Variants in PPM1N observed in about 807,000 individuals in gnomAD.
PPM1N encodes probable protein phosphatase 1N.
A neutral mutation model predicts 32.6 loss-of-function variants in PPM1N; 35 were observed. That is an observed-to-expected ratio of 1.07 (90% confidence interval 0.82 to 1.43). PPM1N has a LOEUF of 1.43. Ranked by LOEUF, PPM1N falls within the 40% of genes most tolerant of loss-of-function variation. PPM1N has a pLI of 0.00. For missense variants in PPM1N, 648 were observed against 606.6 expected (o/e 1.07, Z -0.72); for synonymous variants, 275 against 270.5 (o/e 1.02, Z -0.16).
chr19:45,500,131 TTC>T (rs1427783503), intron 2 of PPM1N, 65 bp downstream of exon 2: 1 of 1,475,996 alleles, frequency 6.8e-7, no homozygotes, highest in Non-Finnish European at 9.0e-7. Context: ...CCATAACTTT[TTC>T]TTTTTTTCTT....
In PPM1N at chr19:45,502,322, A is replaced by AC. The variant is rs1487289167; in HGVS notation, c.*237_*238insC. On this transcript the variant is annotated 3_prime_UTR_variant, in exon 5 of 5. Transcript: ENST00000451287. ...AAGCCCAAATCGAAAAAAAAAAAAA[A>AC]AAAAAAAAAAAACAAAAAAACCCAA... The AC allele has an allele frequency of 1.5e-4, 79 of 536,242 alleles. No individual in the cohort carries two copies. The highest frequency in any genetic ancestry group is 2.3e-4 in the Non-Finnish European group (70 of 310,418). The allele number at this position is 536,242 out of a possible 1,614,324, so 33.2% of individuals were successfully genotyped here.
In PPM1N at chr19:45,502,063, C is replaced by T. The variant is rs935643223; in HGVS notation, c.1271C>T (p.Ser424Leu). ...AAGTCCAACCCCACGCATTTGGGCT[C>T]AGCCTTGGACATGGAGGCCTGACAG... ...AGKSNPTHLG[S>L]ALDMEA The change falls in exon 5 of 5, where the codon TCA becomes TTA. Residue 424 changes from serine (S) to leucine (L), a missense_variant. Coordinates refer to ENST00000451287, the MANE Select transcript of PPM1N (RefSeq NM_001080401.2). The T allele has an allele frequency of 3.2e-6, 5 of 1,564,110 alleles. No homozygotes were observed. The highest frequency in any genetic ancestry group is 4.3e-6 in the Non-Finnish European group (5 of 1,161,594).
intron 4 of PPM1N, among the ~76,000 whole-genome samples, 174 bp from the exon 5 acceptor site, chr19:45,501,843 C>G (rs1968418283): frequency 6.6e-6 from 1 of 152,088 alleles, no homozygotes. Flanking sequence ...CACATGCTGA[C>G]CAGTCACTGT....
intron 1 of PPM1N, chr19:45,499,659 A>T (rs2122246312): frequency 2.6e-6 from 4 of 1,547,992 alleles, no homozygotes; most frequent in Non-Finnish European, 2.6e-6. Context: ...TCTTTTGGAA[A>T]GGGGCGATTC....
Position 45,499,391 on chromosome 19 carries a change from T to G in PPM1N, c.919T>G (p.Leu307Val). The part of the protein sequence containing the change: ...LAPELLCAQL[L>V]DTCLCKGSLD... ...CCCAGAGCTTCTCTGCGCGCAGCTGTTGGACACGTGTCTGTGCAAGGTCCT... is the reference window on the plus strand; with the variant it reads ...CCCAGAGCTTCTCTGCGCGCAGCTGGTGGACACGTGTCTGTGCAAGGTCCT... The change falls in exon 1 of 5, where the codon TTG (leucine) becomes GTG (valine). Residue 307 changes from leucine (L) to valine (V), a missense_variant. Transcript: ENST00000451287. The G allele has an allele frequency of 6.2e-7, 1 of 1,605,834 alleles. No individual in the cohort carries two copies. Among genetic ancestry groups the G allele is most frequent in the Non-Finnish European group, 8.5e-7 (1 of 1,176,654 alleles).
rs375845106 is a variant in PPM1N, at chr19:45,498,449, C to G, written c.-24C>G. 8 of 1,329,596 alleles carry G rather than the reference C, an allele frequency of 6.0e-6. No homozygotes were observed. In the South Asian group the frequency reaches 1.5e-4, roughly 25 times the overall value. The allele number at this position is 1,329,596 out of a possible 1,614,324, so 82.4% of individuals were successfully genotyped here. A position where few individuals can be genotyped will look rare whatever the true frequency, so the allele number is the denominator to read the frequency against. The stretch of plus-strand genomic sequence containing the variant: ...GGGCGGGCAGGTGTACAGGGTGGAG[C>G]CTTCCTGATCCCAGGGCTGAAGGAT... On this transcript the variant is annotated 5_prime_UTR_variant, in exon 1 of 5. Transcript: ENST00000451287.
At chr19:45,500,247 G>A (rs571688741) in intron 2 of PPM1N, among the ~76,000 whole-genome samples, 181 bp downstream of exon 2, 105 of 151,896 alleles carry the variant, frequency 6.9e-4, no homozygotes, top group African/African-American at 2.4e-3. Context: ...CGATTCTCCT[G>A]CCTCAGCCTC....
intron 4 of PPM1N, 38 bp downstream of exon 4, chr19:45,500,748 G>A (rs60969039): frequency 0.11 from 173,219 of 1,530,864 alleles, 10,285 homozygotes; most frequent in East Asian, 0.16. Context: ...CTCTTAGGAG[G>A]GGACGCCCCC....
chr19:45,499,545 G>A, intron 1 of PPM1N, 134 bp downstream of exon 1: 1 of 1,551,202 alleles, frequency 6.4e-7, no homozygotes, highest in East Asian at 2.4e-5. Flanking sequence ...CTCAAGCGAA[G>A]GGCGTGGCCT....
intron 4 of PPM1N, 115 bp downstream of exon 4, chr19:45,500,825 T>G: frequency 1.4e-6 from 1 of 738,698 alleles, no homozygotes; most frequent in Non-Finnish European, 2.3e-6. Flanking sequence ...CTGATATATT[T>G]TATTCCTCTT....
In PPM1N at chr19:45,499,329, C is replaced by CG; in HGVS notation, c.860dup (p.Leu288ThrfsTer44). The CG allele has an allele frequency of 6.2e-7, 1 of 1,612,892 alleles. No individual in the cohort carries two copies. The highest frequency in any genetic ancestry group is 8.5e-7 in the Non-Finnish European group (1 of 1,179,822). On this transcript the variant is annotated frameshift_variant, in exon 1 of 5. Transcript: ENST00000451287. LOFTEE classifies it high-confidence loss of function. ...GACACTGTGTCTGGTGCTGCCCTGG[C>CG]GGGACTGGTGGCTTCACGCCTCCGC...
Position 45,498,787 on chromosome 19 carries a change from C to T in PPM1N, c.315C>T (p.His105=), listed in dbSNP as rs534129700. ...CCTTGTTTGCCGTCCTCGACGGCCA[C>T]GGTGGGGCTCGAGCTGCCCGCTTCG... The part of the protein sequence containing the change: ...GWALFAVLDG[H]GGARAARFGA... The change falls in exon 1 of 5, where the codon CAC becomes CAT. Residue 105 remains histidine (H), a synonymous_variant. Coordinates refer to ENST00000451287, the MANE Select transcript of PPM1N (RefSeq NM_001080401.2). 8.4e-6 allele frequency: 13 copies of T among 1,552,258 alleles called. No homozygotes were observed. The highest frequency in any genetic ancestry group is 2.8e-5 in the African/African-American group (2 of 71,410).
In PPM1N at chr19:45,500,544, G is replaced by C; in HGVS notation, c.1146G>C (p.Gly382=). ...ASEDIPDLPP[G]GGLDCKATVI... The stretch of plus-strand genomic sequence containing the variant: ...AGGACATCCCAGATTTACCTCCTGG[G>C]GGAGGGCTGGACTGCAAGTGAGTTG... Residue 382 remains glycine, a synonymous_variant, in exon 3 of 5, where the codon GGG becomes GGC. Transcript: ENST00000451287. 6.2e-7 allele frequency: 1 copy of C among 1,610,580 alleles called. No individual in the cohort carries two copies.
chr19:45,499,890 T>C, intron 1 of PPM1N, 59 bp from the exon 2 acceptor site: 2 of 1,535,964 alleles, frequency 1.3e-6, no homozygotes, highest in Middle Eastern at 1.9e-4. Context: ...CTGGGGATTG[T>C]TGGGAAGCTC....
At chr19:45,499,495 TAGAG>T (rs763477251) in intron 1 of PPM1N, 84 bp downstream of exon 1, 36 of 1,584,132 alleles carry the variant, frequency 2.3e-5, no homozygotes, top group Middle Eastern at 1.7e-4. Flanking sequence ...AGGGCTTTGA[TAGAG>T]AGGCAAGAGT....
rs1968394544 is a variant in PPM1N at position 45,500,459 on chromosome 19, T to C, written c.1061T>C (p.Leu354Pro). The C allele has an allele frequency of 2.5e-6, 4 of 1,605,612 alleles. No homozygotes were observed. In the East Asian group the frequency reaches 9.0e-5, roughly 36 times the overall value. The change falls in exon 3 of 5, where the codon CTG becomes CCG. Residue 354 changes from leucine to proline, a missense_variant. Transcript: ENST00000451287. ...CTAACTCTTGACTCTTTCTCAGAACTGTGTGCCTCTGCTCAGAAGCCCCCC... is the reference window on the plus strand; with the variant it reads ...CTAACTCTTGACTCTTTCTCAGAACCGTGTGCCTCTGCTCAGAAGCCCCCC... The part of the protein sequence containing the change: ...DAALGCRIAE[L>P]CASAQKPPSL...
Position 45,499,241 on chromosome 19 carries a change from GT to G in PPM1N, c.770del (p.Val257GlyfsTer63). 2.5e-6 allele frequency: 4 copies of G among 1,602,134 alleles called. No individual in the cohort carries two copies. Among genetic ancestry groups the G allele is most frequent in the Middle Eastern group, 3.3e-4 (2 of 6,022 alleles). Reference protein sequence around the residue: ...ELQLVSAEPEVAALARQAEDE... With the variant: ...ELQLVSAEPEXAALARQAEDE... ...ACAGCTCGTTTCTGCGGAGCCAGAG[GT>G]GGCCGCACTGGCACGCCAGGCTGAG... On this transcript the variant is annotated frameshift_variant, in exon 1 of 5. Transcript: ENST00000451287. LOFTEE classifies it high-confidence loss of function.
At chr19:45,499,815 G>C in intron 1 of PPM1N, 134 bp from the exon 2 acceptor site, 1 of 1,494,618 alleles carries the variant, frequency 6.7e-7, no homozygotes, top group South Asian at 1.3e-5. Context: ...CAGTAAGAGA[G>C]GATTGGCAGG....
chr19:45,498,943 C>T lies in PPM1N; in HGVS notation c.471C>T (p.Arg157=). 6.5e-7 allele frequency: 1 copy of T among 1,550,334 alleles called. No individual in the cohort carries two copies. The change falls in exon 1 of 5, where the codon CGC becomes CGT. Residue 157 remains arginine, a synonymous_variant. Coordinates refer to ENST00000451287, the MANE Select transcript of PPM1N (RefSeq NM_001080401.2). ...ADERLRSLWP[R]VETGGCTAVV... is the part of the protein sequence containing the mutation. ...AGCGCCTGCGCTCCCTCTGGCCCCG[C>T]GTGGAAACGGGCGGCTGCACGGCCG... is the stretch of plus-strand genomic sequence containing the variant.
Sources: gnomAD v4.1 joint callset for allele counts (sites outside exome capture counted in the v4.1 genomes callset) on GRCh38, gnomAD v4.1.1 for gene constraint, MANE v1.5 for transcripts, NCBI Gene and HGNC (gene_info 2026-07-23, HGNC 2026-07-21) for gene names.